The following NAV2 variants were observed in gnomAD, a reference collection of about 807,000 sequenced individuals.
NAV2 encodes the protein neuron navigator 2, also known as helicase, APC down-regulated 1.
In NAV2, 54 loss-of-function variants were observed where a neutral mutation model predicts 223.2. That is an observed-to-expected ratio of 0.24 (90% CI 0.19 to 0.30). The LOEUF (loss-of-function observed/expected upper bound fraction) is 0.30. NAV2 is among the 10% of genes least tolerant of loss of function. NAV2 has a pLI of 1.00. For missense variants in NAV2, 2,806 were observed against 3,147.5 expected, an observed-to-expected ratio of 0.89 and a Z score of 2.60; for synonymous variants, 1,279 against 1,239.3, an observed-to-expected ratio of 1.03 and a Z score of -0.67.
intron 1 of NAV2, among the ~76,000 whole-genome samples, chr11:19,488,472 G>A (rs971388944): frequency 6.6e-6 from 1 of 152,184 alleles, no homozygotes; most frequent in Non-Finnish European, 1.5e-5. Context: ...TGGCACAAAT[G>A]TATAGATGGC....
At chr11:19,473,864 C>T (rs117306441) in intron 1 of NAV2, among the ~76,000 whole-genome samples, 3 of 152,308 alleles carry the variant, frequency 2.0e-5, no homozygotes, top group East Asian at 1.9e-4. Flanking sequence ...TCAAGCTTCC[C>T]GGAGGAGACC....
chr11:19,805,957 A>C (rs2058535945), intron 1 of NAV2, among the ~76,000 whole-genome samples: 2 of 152,196 alleles, frequency 1.3e-5, no homozygotes, highest in South Asian at 4.1e-4. Context: ...TTTCCATGAA[A>C]CCATGCGTGT....
chr11:19,584,194 T>A (rs919953937), intron 1 of NAV2, among the ~76,000 whole-genome samples: 4 of 152,118 alleles, frequency 2.6e-5, no homozygotes, highest in South Asian at 2.1e-4. Flanking sequence ...CTCTGATGGT[T>A]TTTTGTATTT....
At position 20,080,182 on chromosome 11, in the gene NAV2, C is replaced by G; in HGVS notation, c.5298C>G (p.Asp1766Glu). Residue 1766 changes from aspartate to glutamate, a missense_variant, in exon 25 of 38, where the codon GAC becomes GAG. By Grantham distance (45) the Asp-to-Glu change is conservative (BLOSUM62 2). Around this residue, in one of 4 missense-constraint regions of NAV2, gnomAD observed 824 missense variants for 1,069.4 expected, o/e 0.77. Coordinates refer to ENST00000349880, the MANE Select transcript of NAV2 (RefSeq NM_145117.5). ...GCGTGGGCAGCAACATAGAGAGTGA[C>G]TCAAAGAAGAAGAAGCGGAAGAACT... is the stretch of plus-strand genomic sequence containing the variant. ...HSSVGSNIES[D>E]SKKKKRKNWL... 1 of 1,613,938 alleles carries G rather than the reference C, an allele frequency of 6.2e-7. No individual in the cohort carries two copies. Among genetic ancestry groups the G allele is most frequent in the South Asian group, 1.1e-5 (1 of 91,066 alleles).
Position 19,948,248 on chromosome 11 carries a change from G to C in NAV2, c.2256-443G>C, listed in dbSNP as rs112225357. 4.8e-3 allele frequency among the ~76,000 whole-genome samples: 729 copies of C among 152,182 alleles called. 6 individuals carry two copies. Among genetic ancestry groups the C allele is most frequent in the African/African-American group, 0.014 (588 of 41,530 alleles). On this transcript the variant is annotated intron_variant, in intron 9 of 37. Transcript: ENST00000349880. ...CTATAGGCACATGCCACTATGCCCAGCTAATTTTTGTATTTTTAGTAGAGA... is the reference window on the plus strand; with the variant it reads ...CTATAGGCACATGCCACTATGCCCACCTAATTTTTGTATTTTTAGTAGAGA...
At chr11:19,403,705 A>C (rs1305090419) in intron 1 of NAV2, among the ~76,000 whole-genome samples, 1 of 152,174 alleles carries the variant, frequency 6.6e-6, no homozygotes, top group Admixed American at 6.5e-5. Context: ...GGTGTCATGA[A>C]GCCTCTGTTC....
chr11:19,523,184 C>A (rs146186344), intron 1 of NAV2, among the ~76,000 whole-genome samples: 71 of 152,340 alleles, frequency 4.7e-4, no homozygotes, highest in African/African-American at 1.7e-3. Context: ...ACTCCACACC[C>A]AAGGCCCCCA....
intron 1 of NAV2, among the ~76,000 whole-genome samples, chr11:19,621,438 T>C (rs1475201763): frequency 2.0e-5 from 3 of 152,212 alleles, no homozygotes; most frequent in Admixed American, 2.0e-4. Flanking sequence ...TCGGAGCCTG[T>C]TATTGGTCTA....
chr11:19,580,685 TGTCA>T (rs1336311382), intron 1 of NAV2, among the ~76,000 whole-genome samples: 10 of 152,232 alleles, frequency 6.6e-5, no homozygotes, highest in East Asian at 1.9e-4. Context: ...TTTATTTTCT[TGTCA>T]GTCAGCATTT....
intron 1 of NAV2, among the ~76,000 whole-genome samples, chr11:19,726,631 G>C (rs998812446): frequency 2.0e-5 from 3 of 152,276 alleles, no homozygotes; most frequent in East Asian, 3.9e-4. Context: ...ATTCCACTTT[G>C]TTTTCAGATT....
intron 1 of NAV2, among the ~76,000 whole-genome samples, chr11:19,420,661 G>T (rs1289189797): frequency 6.6e-6 from 1 of 152,172 alleles, no homozygotes; most frequent in African/African-American, 2.4e-5. Flanking sequence ...CCATACGTAC[G>T]ATTTCACTTC....
intron 1 of NAV2, among the ~76,000 whole-genome samples, chr11:19,528,738 T>C (rs2043926632): frequency 6.6e-6 from 1 of 152,102 alleles, no homozygotes; most frequent in Non-Finnish European, 1.5e-5. Flanking sequence ...GAAACCATCC[T>C]GGCCAATATG....
chr11:19,696,184 AT>A (rs1331419727), intron 1 of NAV2, among the ~76,000 whole-genome samples: 15 of 152,372 alleles, frequency 9.8e-5, no homozygotes, highest in African/African-American at 3.4e-4. Context: ...AATAAAAAAA[AT>A]AAACTGGCTT....
At chr11:19,458,137 AT>A (rs1455150905) in intron 1 of NAV2, among the ~76,000 whole-genome samples, 2 of 152,218 alleles carry the variant, frequency 1.3e-5, no homozygotes, top group African/African-American at 4.8e-5. Flanking sequence ...CATCTGGGAA[AT>A]GGCAGTCTCA....
At chr11:19,438,994 T>C (rs1169250755) in intron 1 of NAV2, among the ~76,000 whole-genome samples, 2 of 152,092 alleles carry the variant, frequency 1.3e-5, no homozygotes, top group South Asian at 2.1e-4. Context: ...CTCCCTGGAA[T>C]TGGGGAGTGG....
intron 1 of NAV2, among the ~76,000 whole-genome samples, chr11:19,437,724 C>T (rs1851263156): frequency 6.6e-6 from 1 of 152,102 alleles, no homozygotes; most frequent in Non-Finnish European, 1.5e-5. Context: ...AAAGTTACTG[C>T]CAATTAAACT....
At position 19,863,297 on chromosome 11, in the gene NAV2, G is replaced by A. The variant is rs75392630; in HGVS notation, c.439-5628G>A. Among the ~76,000 whole-genome samples the A allele has an allele frequency of 6.4e-3, 976 of 152,234 alleles. 11 individuals carry two copies. The highest frequency in any genetic ancestry group is 0.023 in the African/African-American group (939 of 41,534). Reference sequence around the variant, plus strand: ...TGTGGCCCCATCTACTCTTGTCAAGGGACCTCTCATTGCCCTTCTCCCTTG... The same window carrying A: ...TGTGGCCCCATCTACTCTTGTCAAGAGACCTCTCATTGCCCTTCTCCCTTG... On this transcript the variant is annotated intron_variant, in intron 3 of 37. Transcript: ENST00000349880.
chr11:19,654,703 A>C (rs1403046849), intron 1 of NAV2, among the ~76,000 whole-genome samples: 1 of 152,242 alleles, frequency 6.6e-6, no homozygotes, highest in East Asian at 1.9e-4. Flanking sequence ...GAAAGCTGAA[A>C]CTGGATCCCT....
intron 8 of NAV2, 90 bp downstream of exon 8, chr11:19,939,863 C>A: frequency 1.3e-6 from 1 of 783,964 alleles, no homozygotes; most frequent in Non-Finnish European, 2.1e-6. Flanking sequence ...AGCTTGATTA[C>A]GAGTTGCATT....
Sources: gnomAD v4.1 joint callset for allele counts (sites outside exome capture counted in the v4.1 genomes callset) on GRCh38, gnomAD v4.1.1 for gene constraint, gnomAD v4.1.1 regional missense constraint, MANE v1.5 for transcripts, NCBI Gene and HGNC (gene_info 2026-07-23, HGNC 2026-07-21) for gene names.